Variants in CKAP5 observed in about 807,000 individuals in gnomAD.
CKAP5 encodes cytoskeleton-associated protein 5.
CKAP5 carries 27 observed loss-of-function variants against 232.8 expected under a neutral mutation model. That is an observed-to-expected ratio of 0.12 (90% confidence interval 0.09 to 0.16). The LOEUF is 0.16. CKAP5 is among the 10% of genes least tolerant of loss of function. The pLI, the probability that CKAP5 is intolerant of heterozygous loss-of-function variation, is 1.00. For synonymous variants in CKAP5, 785 were observed against 841.1 expected (o/e 0.93, Z 1.16); for missense variants, 1,838 against 2,424.7 (o/e 0.76, Z 5.08).
At chr11:46,811,477 C>G (rs531506727) in intron 4 of CKAP5, among the ~76,000 whole-genome samples, 55 of 151,970 alleles carry the variant, frequency 3.6e-4, no homozygotes, top group African/African-American at 1.3e-3. Flanking sequence ...TGTTTAATAC[C>G]CTTTTTTTTT....
At chr11:46,766,401 G>A (rs1242561116) in intron 27 of CKAP5, among the ~76,000 whole-genome samples, 1 of 152,134 alleles carries the variant, frequency 6.6e-6, no homozygotes, top group East Asian at 1.9e-4. Context: ...AAAGAACAAC[G>A]TCATTGGATA....
At chr11:46,783,412 C>T in intron 17 of CKAP5, 44 bp from the exon 18 acceptor site, 1 of 1,222,648 alleles carries the variant, frequency 8.2e-7, no homozygotes, top group South Asian at 1.3e-5. Flanking sequence ...TCTCGTATTT[C>T]TTATAGAAAT....
intron 26 of CKAP5, 120 bp from the exon 27 acceptor site, chr11:46,767,783 A>T: frequency 1.7e-6 from 1 of 590,722 alleles, no homozygotes; most frequent in Non-Finnish European, 2.8e-6. Context: ...AATTTATAAG[A>T]TGTTTTCAGT....
rs775339946 is a variant in CKAP5, at chr11:46,759,371, T to A, written c.4466A>T (p.Asp1489Val). The stretch of plus-strand genomic sequence containing the variant: ...TGTACCATTGTCATTCTCAATCTCA[T>A]CTAGATCCAGCTGGAATTCTCGGCG... ...MVRREFQLDL[D>V]EIENDNGTVR... Residue 1489 changes from aspartate to valine, a missense_variant, in exon 34 of 44, where the codon GAT becomes GTT. Around this residue, in one of 6 missense-constraint regions of CKAP5, gnomAD observed 579 missense variants for 843.2 expected, o/e 0.69. Transcript: ENST00000529230. 6.2e-7 allele frequency: 1 copy of A among 1,614,046 alleles called. No homozygotes were observed. The highest frequency in any genetic ancestry group is 8.5e-7 in the Non-Finnish European group (1 of 1,180,004).
intron 26 of CKAP5, 136 bp downstream of exon 26, chr11:46,769,827 A>G (rs2065233189): frequency 2.1e-6 from 2 of 953,898 alleles, no homozygotes; most frequent in Non-Finnish European, 3.2e-6. Flanking sequence ...TTGTGAAAGG[A>G]AAGTAAGCAG....
chr11:46,804,530 C>T (rs572263535), intron 8 of CKAP5, among the ~76,000 whole-genome samples: 1 of 152,262 alleles, frequency 6.6e-6, no homozygotes, highest in Admixed American at 6.5e-5. Flanking sequence ...GTTTTAAGTG[C>T]TGTCACTTTT....
intron 18 of CKAP5, among the ~76,000 whole-genome samples, chr11:46,782,115 G>A (rs1204433523): frequency 2.6e-5 from 4 of 152,016 alleles, no homozygotes; most frequent in African/African-American, 4.8e-5. Flanking sequence ...ATGAGCCACC[G>A]CGCCCGGCCT....
rs777805291 is a variant in CKAP5 at position 46,811,114 on chromosome 11, A to T, written c.523T>A (p.Ser175Thr). 1 of 1,614,092 alleles carries T rather than the reference A, an allele frequency of 6.2e-7. No individual in the cohort carries two copies. Among genetic ancestry groups the T allele is most frequent in the Non-Finnish European group, 8.5e-7 (1 of 1,179,996 alleles). Residue 175 changes from serine to threonine, a missense_variant, in exon 5 of 44, where the codon TCT becomes ACT. By Grantham distance (58) the Ser-to-Thr change is moderately conservative. Around this residue, in one of 6 missense-constraint regions of CKAP5, gnomAD observed 285 missense variants for 300.0 expected, o/e 0.95. Transcript: ENST00000529230. ...IIKVLPKLFE[S>T]REKAVRDEAK... Reference sequence around the variant, plus strand: ...TCATCTCGAACAGCCTTCTCTCGAGACTCAAAGAGTTTTGGCAACACTTTG... The same window carrying T: ...TCATCTCGAACAGCCTTCTCTCGAGTCTCAAAGAGTTTTGGCAACACTTTG...
At chr11:46,780,376 T>C (rs1223133561) in intron 19 of CKAP5, 52 bp downstream of exon 19, 2 of 1,613,530 alleles carry the variant, frequency 1.2e-6, no homozygotes, top group African/African-American at 1.3e-5. Context: ...TAATAACTTT[T>C]TAAATCCACA....
chr11:46,789,440 T>C (rs1283100036), intron 15 of CKAP5, among the ~76,000 whole-genome samples: 1 of 152,208 alleles, frequency 6.6e-6, no homozygotes, highest in African/African-American at 2.4e-5. Context: ...AGGGGTGGTT[T>C]AAGTAGAGTG....
intron 15 of CKAP5, among the ~76,000 whole-genome samples, chr11:46,789,172 G>T (rs1274553086): frequency 6.6e-6 from 1 of 152,146 alleles, no homozygotes; most frequent in Non-Finnish European, 1.5e-5. Flanking sequence ...AAGTTCTAAA[G>T]TACCGAATAT....
At chr11:46,807,911 C>A in intron 8 of CKAP5, 120 bp downstream of exon 8, 1 of 627,542 alleles carries the variant, frequency 1.6e-6, no homozygotes, top group Non-Finnish European at 2.7e-6. Context: ...GTCTGTAATT[C>A]AAATACCATC....
At chr11:46,843,386 G>A (rs939043727) in intron 1 of CKAP5, among the ~76,000 whole-genome samples, 1 of 152,064 alleles carries the variant, frequency 6.6e-6, no homozygotes, top group South Asian at 2.1e-4. Flanking sequence ...GGAAGCCCCA[G>A]GTACAGTAGT....
At chr11:46,749,473 A>AAC (rs2065046575) in intron 42 of CKAP5, among the ~76,000 whole-genome samples, 1 of 151,790 alleles carries the variant, frequency 6.6e-6, no homozygotes, top group African/African-American at 2.4e-5. Context: ...AAAAAAAAAA[A>AAC]AAAAAATCTA....
chr11:46,752,193 T>TATATATATATACACACAC (rs1408030107), intron 38 of CKAP5, among the ~76,000 whole-genome samples: 10 of 66,544 alleles, frequency 1.5e-4, no homozygotes, highest in African/African-American at 3.1e-4. Flanking sequence ...TATATATATA[T>TATATATATATACACACAC]ACACACACAC....
intron 35 of CKAP5, among the ~76,000 whole-genome samples, chr11:46,757,132 T>C (rs2065116148): frequency 6.6e-6 from 1 of 152,104 alleles, no homozygotes; most frequent in South Asian, 2.1e-4. Context: ...ATTCAGGTTA[T>C]GCAACATTAG....
intron 1 of CKAP5, among the ~76,000 whole-genome samples, chr11:46,835,331 C>A (rs771568790): frequency 6.6e-6 from 1 of 151,782 alleles, no homozygotes; most frequent in African/African-American, 2.4e-5. Context: ...AAGGAGCAGA[C>A]GGCAGAGTAT....
At chr11:46,808,181 TAAGA>T in intron 7 of CKAP5, 37 bp from the exon 8 acceptor site, 1 of 1,305,038 alleles carries the variant, frequency 7.7e-7, no homozygotes, top group Non-Finnish European at 1.1e-6. Flanking sequence ...TAACAGGAAA[TAAGA>T]GAGCGGAATA....
Position 46,796,922 on chromosome 11 carries a change from G to A in CKAP5, c.1357C>T (p.Pro453Ser), listed in dbSNP as rs1248357109. The change falls in exon 12 of 44, where the codon CCT becomes TCT. Residue 453 changes from proline (P) to serine (S), a missense_variant. Transcript: ENST00000529230. ...TCAAATGCGGCATCTCTGACTTCAG[G>A]AGCAGAATCATTGATGTGCTATAGT... ...ALLKHINDSAPEVRDAAFEAL... is the reference protein window; with the variant it reads ...ALLKHINDSASEVRDAAFEAL... The A allele has an allele frequency of 1.2e-6, 2 of 1,613,868 alleles. No homozygotes were observed. The highest frequency in any genetic ancestry group is 1.7e-6 in the Non-Finnish European group (2 of 1,179,898).
Sources: gnomAD v4.1 joint callset for allele counts (sites outside exome capture counted in the v4.1 genomes callset) on GRCh38, gnomAD v4.1.1 for gene constraint, gnomAD v4.1.1 regional missense constraint, MANE v1.5 for transcripts, NCBI Gene and HGNC (gene_info 2026-07-23, HGNC 2026-07-21) for gene names.